CTNNA2: variants seen among roughly 807,000 people sequenced by gnomAD.
CTNNA2 encodes catenin alpha-2.
A neutral mutation model predicts 101.0 loss-of-function variants in CTNNA2; 42 were observed. That is an observed-to-expected ratio of 0.42 (90% confidence interval 0.32 to 0.54). The LOEUF is 0.54. CTNNA2 is among the 20% of genes least tolerant of loss of function. CTNNA2 has a pLI of 0.14. For synonymous variants in CTNNA2, 450 were observed against 456.4 expected (o/e 0.99, Z 0.18); for missense variants, 871 against 1,223.1 (o/e 0.71, Z 4.29).
chr2:80,406,361 A>G (rs1559082835), intron 8 of CTNNA2, among the ~76,000 whole-genome samples: 2 of 150,282 alleles, frequency 1.3e-5, no homozygotes, highest in Non-Finnish European at 3.0e-5. Context: ...TGCACCTTTG[A>G]GCAAGGCTGG....
At chr2:79,456,543 T>G (rs1169698903) in intron 4 of CTNNA2, among the ~76,000 whole-genome samples, 5 of 152,240 alleles carry the variant, frequency 3.3e-5, no homozygotes, top group Non-Finnish European at 1.5e-5. Context: ...TGTATGTTAT[T>G]TCTTTTGAGA....
chr2:79,207,845 G>T (rs186168816), intron 2 of CTNNA2, among the ~76,000 whole-genome samples: 67 of 152,310 alleles, frequency 4.4e-4, no homozygotes, highest in Non-Finnish European at 1.5e-4. Flanking sequence ...GGTGTCTCCA[G>T]CAGGACACCA....
chr2:80,114,340 A>G lies in CTNNA2; in HGVS notation c.1056+204543A>G, dbSNP rs116129286. On this transcript the variant is annotated intron_variant, in intron 7 of 18. Coordinates refer to ENST00000402739, the MANE Select transcript of CTNNA2 (RefSeq NM_001282597.3). Reference sequence around the variant, plus strand: ...AATACATTAAGAAAAACCCTGGGACATAGGATTTTGTAAAGAAAATATTCA... The same window carrying G: ...AATACATTAAGAAAAACCCTGGGACGTAGGATTTTGTAAAGAAAATATTCA... Among the ~76,000 whole-genome samples the G allele has an allele frequency of 4.3e-3, 653 of 152,318 alleles. 3 individuals are homozygous for G. Among genetic ancestry groups the G allele is most frequent in the African/African-American group, 0.014 (599 of 41,560 alleles).
chr2:80,166,224 A>G (rs1704683603), intron 7 of CTNNA2, among the ~76,000 whole-genome samples: 1 of 152,148 alleles, frequency 6.6e-6, no homozygotes, highest in African/African-American at 2.4e-5. Flanking sequence ...AGTTTATGCT[A>G]AGGAATGACT....
chr2:79,829,965 T>G (rs994254759), intron 3 of CTNNA2, among the ~76,000 whole-genome samples: 5 of 152,086 alleles, frequency 3.3e-5, no homozygotes, highest in Non-Finnish European at 7.4e-5. Flanking sequence ...CCTTATTCCA[T>G]TTAATGATAT....
rs759179424 is a variant in CTNNA2, at chr2:79,687,583, GA to G, written c.102+35926del. Reference sequence around the variant, plus strand: ...TTGCAGTGCATTTTTTTTTCCACCGGATATTTCAAATGAAAATCACATAAAT... The same window carrying G: ...TTGCAGTGCATTTTTTTTTCCACCGGTATTTCAAATGAAAATCACATAAAT... On this transcript the variant is annotated intron_variant, in intron 2 of 18. Transcript: ENST00000402739. 1.3e-5 allele frequency: 9 copies of G among 704,104 alleles called. No homozygotes were observed. The South Asian group carries it at 1.4e-4, about 11-fold the overall frequency. 43.6% of individuals were successfully genotyped at this position (704,104 alleles called of 1,614,324 possible).
At chr2:80,420,456 TACC>T (rs762720668) in intron 9 of CTNNA2, among the ~76,000 whole-genome samples, 9 of 152,104 alleles carry the variant, frequency 5.9e-5, no homozygotes, top group African/African-American at 1.7e-4. Context: ...CACTTAATCC[TACC>T]ACCACCACCA....
intron 8 of CTNNA2, among the ~76,000 whole-genome samples, chr2:80,405,899 A>G (rs1463243614): frequency 6.6e-6 from 1 of 152,180 alleles, no homozygotes; most frequent in East Asian, 1.9e-4. Context: ...CTTTCCTTCC[A>G]TAATTTCTTA....
intron 9 of CTNNA2, among the ~76,000 whole-genome samples, chr2:80,473,780 T>C (rs745625036): frequency 2.0e-5 from 3 of 152,242 alleles, no homozygotes; most frequent in Non-Finnish European, 4.4e-5. Context: ...ATAGATTTGA[T>C]GCTGCAGTAA....
chr2:79,849,881 A>C (rs1014991546), intron 3 of CTNNA2, among the ~76,000 whole-genome samples: 1 of 152,122 alleles, frequency 6.6e-6, no homozygotes, highest in African/African-American at 2.4e-5. Context: ...TCAAAATGTA[A>C]AGTGCCAGGC....
chr2:79,924,213 G>A (rs1574324130), intron 7 of CTNNA2, among the ~76,000 whole-genome samples: 1 of 151,516 alleles, frequency 6.6e-6, no homozygotes, highest in African/African-American at 2.4e-5. Flanking sequence ...AGAGTTTCAA[G>A]GAATCATCTT....
At chr2:80,079,596 A>G (rs533688959) in intron 7 of CTNNA2, among the ~76,000 whole-genome samples, 2 of 152,146 alleles carry the variant, frequency 1.3e-5, no homozygotes, top group Admixed American at 6.6e-5. Flanking sequence ...GGCAGATCAC[A>G]AGGTCAGGAA....
chr2:79,286,836 A>G (rs1675606277), intron 2 of CTNNA2, among the ~76,000 whole-genome samples: 1 of 152,066 alleles, frequency 6.6e-6, no homozygotes, highest in Admixed American at 6.6e-5. Context: ...CCTGGATAAT[A>G]TCCTGCAGAG....
Position 80,195,659 on chromosome 2 carries a change from T to A in CTNNA2, c.1057-197552T>A, listed in dbSNP as rs116427784. Among the ~76,000 whole-genome samples the A allele has an allele frequency of 4.7e-3, 714 of 151,596 alleles. 4 individuals are homozygous for A. Among genetic ancestry groups the A allele is most frequent in the African/African-American group, 0.016 (664 of 41,290 alleles). On this transcript the variant is annotated intron_variant, in intron 7 of 18. Transcript: ENST00000402739. ...ATAGAAGCAATATGATTTAGGACAT[T>A]AAAAATGCAAAGCAATTCAGAAAGA...
chr2:80,306,941 G>T (rs1358055818), intron 7 of CTNNA2, among the ~76,000 whole-genome samples: 1 of 151,956 alleles, frequency 6.6e-6, no homozygotes, highest in Non-Finnish European at 1.5e-5. Flanking sequence ...TGGCAAGAAA[G>T]AAAGGGAATA....
At chr2:79,748,255 G>A (rs1558894553) in intron 3 of CTNNA2, among the ~76,000 whole-genome samples, 1 of 152,160 alleles carries the variant, frequency 6.6e-6, no homozygotes, top group Admixed American at 6.5e-5. Context: ...AGAGAGAAAA[G>A]AGCTTGTGGG....
At chr2:80,636,696 T>C (rs1672918346) in intron 18 of CTNNA2, among the ~76,000 whole-genome samples, 1 of 152,120 alleles carries the variant, frequency 6.6e-6, no homozygotes, top group South Asian at 2.1e-4. Flanking sequence ...AAATATTTTA[T>C]ATAGACTATT....
chr2:79,715,977 A>G (rs1402617900), intron 2 of CTNNA2, among the ~76,000 whole-genome samples: 1 of 152,074 alleles, frequency 6.6e-6, no homozygotes, highest in African/African-American at 2.4e-5. Context: ...CCAAAAATAA[A>G]TTTCATCATT....
chr2:79,808,559 T>C (rs1676756271), intron 3 of CTNNA2, among the ~76,000 whole-genome samples: 1 of 152,216 alleles, frequency 6.6e-6, no homozygotes, highest in Admixed American at 6.5e-5. Context: ...AGAATACTTT[T>C]TTATGTTTAT....
Sources: allele counts gnomAD v4.1 joint callset (sites outside exome capture counted in the v4.1 genomes callset), GRCh38; gene constraint gnomAD v4.1.1; transcripts MANE v1.5; gene names NCBI Gene and HGNC (gene_info 2026-07-23, HGNC 2026-07-21).